ABLIM3: variants seen among roughly 807,000 people sequenced by gnomAD.
ABLIM3 encodes actin-binding LIM protein 3.
ABLIM3 carries 61 observed loss-of-function variants against 109.5 expected under a neutral mutation model. The observed-to-expected ratio is 0.56, with a 90% confidence interval of 0.45 to 0.69. The LOEUF is 0.69. Ranked by LOEUF, ABLIM3 falls within the 30% of genes least tolerant of loss-of-function variation. The pLI is 0.00. For missense variants in ABLIM3, 796 were observed against 889.5 expected (o/e 0.89, Z 1.34); for synonymous variants, 300 against 324.8 (o/e 0.92, Z 0.82).
At chr5:149,175,611 G>A (rs1321757854) in intron 2 of ABLIM3, among the ~76,000 whole-genome samples, 4 of 152,160 alleles carry the variant, frequency 2.6e-5, no homozygotes, top group South Asian at 2.1e-4. Context: ...AAAGAAGAGA[G>A]GAAGGAGGGG....
chr5:149,162,328 G>T (rs993942052), intron 2 of ABLIM3, among the ~76,000 whole-genome samples: 2 of 152,276 alleles, frequency 1.3e-5, no homozygotes, highest in Admixed American at 1.3e-4. Context: ...AAGGTAAAAA[G>T]ACTCAGTTCA....
Position 149,198,380 on chromosome 5 carries a change from T to G in ABLIM3, c.313T>G (p.Cys105Gly). Residue 105 changes from cysteine to glycine, a missense_variant, in exon 4 of 24, where the codon TGC becomes GGC. Transcript: ENST00000309868. This position sits in a 1 kb window ranked among gnomAD's most constrained non-coding sequence, Gnocchi z 4.2. ...CCTGGGCCGCACTTACCACCCCAAG[T>G]GCTTCGTGTGCAGCTTGTGCAGGTG... is the stretch of plus-strand genomic sequence containing the variant. ...SALGRTYHPKCFVCSLCRKPF... is the reference protein window; with the variant it reads ...SALGRTYHPKGFVCSLCRKPF... The G allele has an allele frequency of 6.2e-7, 1 of 1,612,236 alleles. No individual in the cohort carries two copies. Among genetic ancestry groups the G allele is most frequent in the Middle Eastern group, 1.7e-4 (1 of 6,052 alleles).
At chr5:149,209,124 C>T (rs1465288089) in intron 6 of ABLIM3, among the ~76,000 whole-genome samples, 2 of 152,100 alleles carry the variant, frequency 1.3e-5, no homozygotes. Context: ...TTGGCATTCC[C>T]CTCTATGCCC....
At chr5:149,224,339 C>T (rs778539854) in intron 8 of ABLIM3, among the ~76,000 whole-genome samples, 9 of 152,098 alleles carry the variant, frequency 5.9e-5, no homozygotes, top group Middle Eastern at 3.2e-3. Context: ...TCATCCTGCC[C>T]GATATCCTCC....
chr5:149,224,340 G>A (rs573132909), intron 8 of ABLIM3, among the ~76,000 whole-genome samples: 5 of 152,184 alleles, frequency 3.3e-5, no homozygotes, highest in South Asian at 4.2e-4. Context: ...CATCCTGCCC[G>A]ATATCCTCCA....
At chr5:149,181,507 CTGCA>C (rs1205035857) in intron 2 of ABLIM3, among the ~76,000 whole-genome samples, 1 of 152,156 alleles carries the variant, frequency 6.6e-6, no homozygotes, top group Non-Finnish European at 1.5e-5. Context: ...TGTGCATAAA[CTGCA>C]TGAAAGAAAG....
intron 17 of ABLIM3, 121 bp downstream of exon 17, chr5:149,246,667 G>A: frequency 4.7e-6 from 5 of 1,067,626 alleles, no homozygotes; most frequent in East Asian, 2.7e-5. Flanking sequence ...GAAAAGCATA[G>A]CTTTGCATAA....
At chr5:149,249,177 G>A (rs1252451009) in intron 18 of ABLIM3, among the ~76,000 whole-genome samples, 1 of 152,184 alleles carries the variant, frequency 6.6e-6, no homozygotes, top group Non-Finnish European at 1.5e-5. Flanking sequence ...TGGCCCCAAG[G>A]CCATGAGCTC....
At chr5:149,238,144 G>C (rs1752423590) in intron 11 of ABLIM3, among the ~76,000 whole-genome samples, 1 of 152,130 alleles carries the variant, frequency 6.6e-6, no homozygotes, top group Non-Finnish European at 1.5e-5. Flanking sequence ...TAAAGACTCA[G>C]TAACAGATAG....
intron 17 of ABLIM3, among the ~76,000 whole-genome samples, chr5:149,247,252 C>G (rs1047641215): frequency 5.9e-5 from 9 of 152,102 alleles, no homozygotes; most frequent in African/African-American, 2.2e-4. Flanking sequence ...TAGGCAAATC[C>G]ATAGAGACAG....
intron 2 of ABLIM3, among the ~76,000 whole-genome samples, chr5:149,163,578 C>T (rs763749185): frequency 2.6e-5 from 4 of 152,094 alleles, no homozygotes; most frequent in Admixed American, 6.6e-5. Context: ...TGTGAGTTCC[C>T]GTGGCTGTCC....
intron 3 of ABLIM3, among the ~76,000 whole-genome samples, chr5:149,191,533 CAGAGA>C (rs1294049047): frequency 1.3e-5 from 2 of 151,016 alleles, no homozygotes; most frequent in Non-Finnish European, 2.9e-5. Context: ...GAAAGTCTTT[CAGAGA>C]AGAGAAAAGG....
At chr5:149,180,606 T>C (rs1756373144) in intron 2 of ABLIM3, among the ~76,000 whole-genome samples, 1 of 150,502 alleles carries the variant, frequency 6.6e-6, no homozygotes, top group African/African-American at 2.5e-5. Context: ...ACATCAGCAA[T>C]CTGGAAGAAC....
At chr5:149,181,979 A>C (rs1327680189) in intron 2 of ABLIM3, among the ~76,000 whole-genome samples, 1 of 152,228 alleles carries the variant, frequency 6.6e-6, no homozygotes, top group Non-Finnish European at 1.5e-5. Context: ...GCAATATAGC[A>C]GATCACATAT....
Position 149,250,436 on chromosome 5 carries a change from C to T in ABLIM3, c.1730-11C>T, listed in dbSNP as rs540498426. On this transcript the variant is annotated splice_polypyrimidine_tract_variant and intron_variant, in intron 19 of 23. Coordinates refer to ENST00000309868, the MANE Select transcript of ABLIM3 (RefSeq NM_014945.5). ...GGACTCCTGATAATTGCTCTAGATC[C>T]TTCTTTTCAGATCCTCTCATCTCCA... 16 of 1,614,078 alleles carry T rather than the reference C, an allele frequency of 9.9e-6. No homozygotes were observed. In the East Asian group the frequency reaches 3.6e-4, roughly 36 times the overall value.
intron 2 of ABLIM3, among the ~76,000 whole-genome samples, chr5:149,157,778 A>T (rs1390209199): frequency 6.6e-6 from 1 of 152,142 alleles, no homozygotes; most frequent in African/African-American, 2.4e-5. Flanking sequence ...ATAAAGTCTT[A>T]GCTCTGACCG....
In ABLIM3 at chr5:149,198,524, G is replaced by T. The variant is rs180938663; in HGVS notation, c.335+122G>T. On this transcript the variant is annotated intron_variant, in intron 4 of 23. Transcript: ENST00000309868. The surrounding 1 kb of genome is among the most constrained non-coding windows in gnomAD (Gnocchi z 4.2). ...TTTGTGCTGCACATTTAGATTTCTG[G>T]AACCTCAGGTGTGGAGGGATCTGAT... 355 of 1,235,650 alleles carry T rather than the reference G, an allele frequency of 2.9e-4. 1 individual carries two copies. In the African/African-American group the frequency reaches 4.8e-3, roughly 17 times the overall value. 76.5% of individuals were successfully genotyped at this position (1,235,650 alleles called of 1,614,324 possible). A position where few individuals can be genotyped will look rare whatever the true frequency, so the allele number is the denominator to read the frequency against.
At chr5:149,158,441 T>TA (rs1427150726) in intron 2 of ABLIM3, among the ~76,000 whole-genome samples, 1 of 152,180 alleles carries the variant, frequency 6.6e-6, no homozygotes, top group Admixed American at 6.5e-5. Flanking sequence ...TTTTTTATGT[T>TA]AAAAAAGGAA....
intron 3 of ABLIM3, among the ~76,000 whole-genome samples, chr5:149,186,875 C>T (rs1757012270): frequency 6.6e-6 from 1 of 151,096 alleles, no homozygotes; most frequent in Non-Finnish European, 1.5e-5. Flanking sequence ...GCATTATAAG[C>T]AATAGTGCAG....
Sources: gnomAD v4.1 joint callset for allele counts (sites outside exome capture counted in the v4.1 genomes callset) on GRCh38, gnomAD v4.1.1 for gene constraint, Gnocchi (gnomAD v3.1) non-coding constraint, MANE v1.5 for transcripts, NCBI Gene and HGNC (gene_info 2026-07-23, HGNC 2026-07-21) for gene names.